The following GALNT1 variants were observed in gnomAD, a reference collection of about 807,000 sequenced individuals.
GALNT1 encodes GalNAc transferase 1.
A neutral mutation model predicts 65.7 loss-of-function variants in GALNT1; 17 were observed. That is an observed-to-expected ratio of 0.26 (90% CI 0.18 to 0.39). The LOEUF (loss-of-function observed/expected upper bound fraction) is 0.39. Ranked by LOEUF, GALNT1 falls within the 10% of genes least tolerant of loss-of-function variation. GALNT1 has a pLI of 1.00. For synonymous variants in GALNT1, 210 were observed against 219.7 expected (o/e 0.96, Z 0.39); for missense variants, 460 against 672.8 (o/e 0.68, Z 3.50).
chr18:35,662,103 C>T (rs1266415199), intron 2 of GALNT1, among the ~76,000 whole-genome samples: 1 of 152,072 alleles, frequency 6.6e-6, no homozygotes, highest in Non-Finnish European at 1.5e-5. Context: ...ACGAGTTTAA[C>T]AGTATTTGAT....
intron 1 of GALNT1, among the ~76,000 whole-genome samples, chr18:35,620,393 T>C (rs1194991366): frequency 6.6e-6 from 1 of 152,162 alleles, no homozygotes; most frequent in Non-Finnish European, 1.5e-5. Flanking sequence ...CTTTTAGTAA[T>C]ACAGCAGTTT....
chr18:35,692,457 CCTT>C (rs1370132884), intron 9 of GALNT1, 137 bp downstream of exon 9: 10 of 527,564 alleles, frequency 1.9e-5, no homozygotes, highest in Admixed American at 3.8e-5. Context: ...CTTCCTTCCT[CCTT>C]CTTACCACGT....
intron 1 of GALNT1, among the ~76,000 whole-genome samples, chr18:35,648,104 A>C (rs1353671868): frequency 7.0e-6 from 1 of 142,474 alleles, no homozygotes; most frequent in African/African-American, 2.6e-5. Context: ...GGGAGGGAGG[A>C]AAGGAGGGAA....
intron 1 of GALNT1, among the ~76,000 whole-genome samples, chr18:35,583,083 T>TG (rs1568010171): frequency 6.6e-6 from 1 of 152,228 alleles, no homozygotes; most frequent in African/African-American, 2.4e-5. Flanking sequence ...TTTTAAGTTC[T>TG]GGGTACATGG....
At chr18:35,598,571 T>C (rs2046535999) in intron 1 of GALNT1, among the ~76,000 whole-genome samples, 1 of 152,264 alleles carries the variant, frequency 6.6e-6, no homozygotes, top group Non-Finnish European at 1.5e-5. Flanking sequence ...TTTCATTTTT[T>C]ATGGCTGAAT....
chr18:35,670,960 AAAAATCAAT>A (rs2047626244), intron 3 of GALNT1, among the ~76,000 whole-genome samples: 1 of 152,186 alleles, frequency 6.6e-6, no homozygotes, highest in Admixed American at 6.5e-5. Context: ...CATCATACAG[AAAAATCAAT>A]TTTATATGTA....
At position 35,672,297 on chromosome 18, in the gene GALNT1, C is replaced by CT. The variant is rs1032472470; in HGVS notation, c.315-5286dup. Among the ~76,000 whole-genome samples the CT allele has an allele frequency of 2.6e-5, 4 of 152,250 alleles. No individual in the cohort carries two copies. The East Asian group carries it at 5.8e-4, about 22-fold the overall frequency. ...CTCCAAAGGGACTTTTCCATCTCTA[C>CT]TTTTTTTTCTTTATTTTTCTACTCA... On this transcript the variant is annotated intron_variant, in intron 3 of 11. Transcript: ENST00000269195.
chr18:35,701,508 A>G (rs2048163626), intron 9 of GALNT1, among the ~76,000 whole-genome samples: 2 of 152,190 alleles, frequency 1.3e-5, no homozygotes, highest in African/African-American at 2.4e-5. Flanking sequence ...AACACAACCT[A>G]TTTATGAGGG....
intron 1 of GALNT1, among the ~76,000 whole-genome samples, chr18:35,621,534 T>G (rs879541612): frequency 0.029 from 4,209 of 143,768 alleles, 136 homozygotes; most frequent in African/African-American, 0.051. Flanking sequence ...TACATTCTGA[T>G]ACTAATCTTT....
chr18:35,681,028 G>A (rs1157817823), intron 4 of GALNT1, among the ~76,000 whole-genome samples: 2 of 152,054 alleles, frequency 1.3e-5, no homozygotes, highest in Admixed American at 6.6e-5. Flanking sequence ...GTAGAGGTTA[G>A]GAGTTAGATT....
At chr18:35,706,406 G>T (rs576832222) in intron 11 of GALNT1, among the ~76,000 whole-genome samples, 92 of 152,214 alleles carry the variant, frequency 6.0e-4, no homozygotes, top group African/African-American at 1.9e-3. Context: ...GGAGGCTGAG[G>T]CAGGAGAATG....
At chr18:35,676,778 G>A (rs1378859251) in intron 3 of GALNT1, among the ~76,000 whole-genome samples, 1 of 152,144 alleles carries the variant, frequency 6.6e-6, no homozygotes, top group African/African-American at 2.4e-5. Context: ...GTTACCTGCC[G>A]CTGTTACTGT....
intron 3 of GALNT1, among the ~76,000 whole-genome samples, chr18:35,671,986 TTC>T (rs1213874168): frequency 1.3e-5 from 2 of 152,248 alleles, no homozygotes; most frequent in Non-Finnish European, 2.9e-5. Context: ...CTCTTATTTT[TTC>T]TCTGTTTGTT....
At chr18:35,678,655 T>C (rs1000370727) in intron 4 of GALNT1, among the ~76,000 whole-genome samples, 4 of 152,182 alleles carry the variant, frequency 2.6e-5, no homozygotes, top group African/African-American at 9.7e-5. Context: ...TGAGAAAAAT[T>C]TAGAGCTACA....
Position 35,691,202 on chromosome 18 carries a change from GT to G in GALNT1, c.1159+14del. 1 of 1,589,036 alleles carries G rather than the reference GT, an allele frequency of 6.3e-7. No individual in the cohort carries two copies. Among genetic ancestry groups the G allele is most frequent in the Non-Finnish European group, 8.5e-7 (1 of 1,170,306 alleles). On this transcript the variant is annotated intron_variant, in intron 8 of 11. Transcript: ENST00000269195. ...TATATAATTTCTCCAGGTTAGCGTT[GT>G]TTTGCATTAGAAATACAAGGCTGTA...
intron 1 of GALNT1, among the ~76,000 whole-genome samples, chr18:35,650,544 G>C (rs1458784483): frequency 6.6e-6 from 1 of 152,120 alleles, no homozygotes; most frequent in Non-Finnish European, 1.5e-5. Context: ...GGGAGACCGG[G>C]GCTTATTTCA....
rs9946165 is a variant in GALNT1 at position 35,707,764 on chromosome 18, T to C, written c.1534-1860T>C. Among the ~76,000 whole-genome samples the C allele has an allele frequency of 9.3e-3, 1,424 of 152,304 alleles. 22 individuals are homozygous for C. The highest frequency in any genetic ancestry group is 0.033 in the African/African-American group (1,357 of 41,562). On this transcript the variant is annotated intron_variant, in intron 11 of 11. Coordinates refer to ENST00000269195, the MANE Select transcript of GALNT1 (RefSeq NM_020474.4). ...TTTTTAGTAATAGTGACCATGGGCC[T>C]GATGAGGGAGGCCACTGGGATAAGC... is the stretch of plus-strand genomic sequence containing the variant.
chr18:35,581,027 C>CG (rs2046305376), upstream of GALNT1: 1 of 152,066 alleles, frequency 6.6e-6, no homozygotes, highest in Non-Finnish European at 1.5e-5. Flanking sequence ...CCCTCAGTCC[C>CG]GGGCCTCCTG....
chr18:35,672,580 G>A (rs2047652053), intron 3 of GALNT1, among the ~76,000 whole-genome samples: 1 of 152,082 alleles, frequency 6.6e-6, no homozygotes, highest in African/African-American at 2.4e-5. Flanking sequence ...AGATCTTCCT[G>A]TCTGCCAATA....
Sources: gnomAD v4.1 joint callset for allele counts (sites outside exome capture counted in the v4.1 genomes callset) on GRCh38, gnomAD v4.1.1 for gene constraint, MANE v1.5 for transcripts, NCBI Gene and HGNC (gene_info 2026-07-23, HGNC 2026-07-21) for gene names.